CSMD1: variants seen among roughly 807,000 people sequenced by gnomAD.
CSMD1 encodes CUB and Sushi multiple domains 1.
In CSMD1, 213 loss-of-function variants were observed where a neutral mutation model predicts 417.5. The ratio of observed to expected loss-of-function variants is 0.51; its 90% CI spans 0.46 to 0.57. The LOEUF is 0.57. CSMD1 is among the 20% of genes least tolerant of loss of function. CSMD1 has a pLI of 0.00. For synonymous variants in CSMD1, 2,862 were observed against 1,736.8 expected (o/e 1.65, Z -16.11); for missense variants, 6,923 against 4,529.7 (o/e 1.53, Z -15.17).
At chr8:4,116,365 C>G (rs1481791789) in intron 3 of CSMD1, among the ~76,000 whole-genome samples, 4 of 152,182 alleles carry the variant, frequency 2.6e-5, no homozygotes, top group Admixed American at 1.3e-4. Context: ...TCATTATACA[C>G]TTGTCCAAAC....
intron 4 of CSMD1, among the ~76,000 whole-genome samples, chr8:4,015,785 T>C (rs563817000): frequency 1.3e-5 from 2 of 152,276 alleles, no homozygotes; most frequent in Admixed American, 1.3e-4. Context: ...ATGTATGTGT[T>C]CAGACAAAAA....
chr8:4,248,428 C>A (rs1485024241), intron 3 of CSMD1, among the ~76,000 whole-genome samples: 1 of 152,152 alleles, frequency 6.6e-6, no homozygotes, highest in African/African-American at 2.4e-5. Context: ...AGAGCCCGTC[C>A]ACTTGAACAT....
chr8:3,814,178 C>G (rs897334252), intron 5 of CSMD1, among the ~76,000 whole-genome samples: 11 of 152,180 alleles, frequency 7.2e-5, no homozygotes, highest in African/African-American at 2.4e-4. Context: ...AGTCAAGATG[C>G]AAACTGCAAG....
At chr8:4,683,642 G>T (rs921070155) in intron 1 of CSMD1, among the ~76,000 whole-genome samples, 1 of 152,228 alleles carries the variant, frequency 6.6e-6, no homozygotes, top group African/African-American at 2.4e-5. Context: ...TCGCAGAGAA[G>T]GCGGCCCTGG....
At chr8:4,785,599 C>T (rs1341523054) in intron 1 of CSMD1, among the ~76,000 whole-genome samples, 2 of 152,146 alleles carry the variant, frequency 1.3e-5, no homozygotes, top group African/African-American at 2.4e-5. Flanking sequence ...CATCTGACTT[C>T]AGGGGGCTCT....
chr8:3,884,288 T>G (rs1394963229), intron 5 of CSMD1, among the ~76,000 whole-genome samples: 2 of 152,204 alleles, frequency 1.3e-5, no homozygotes, highest in Non-Finnish European at 2.9e-5. Flanking sequence ...CAATGGCCAC[T>G]TGTGTTTGTT....
intron 1 of CSMD1, among the ~76,000 whole-genome samples, chr8:4,841,009 C>T (rs1800808363): frequency 6.6e-6 from 1 of 152,204 alleles, no homozygotes; most frequent in African/African-American, 2.4e-5. Flanking sequence ...TGAGCGTTTG[C>T]CGTCAGCCCC....
intron 1 of CSMD1, among the ~76,000 whole-genome samples, chr8:4,846,931 C>T (rs1053188859): frequency 2.0e-5 from 3 of 151,730 alleles, no homozygotes; most frequent in African/African-American, 4.8e-5. Flanking sequence ...CTAAAACAGG[C>T]TATTCATTGG....
intron 10 of CSMD1, among the ~76,000 whole-genome samples, chr8:3,516,412 G>A (rs980702891): frequency 6.6e-6 from 1 of 152,190 alleles, no homozygotes; most frequent in Non-Finnish European, 1.5e-5. Flanking sequence ...CTGGAATGCA[G>A]ACTAGTTTTC....
chr8:4,892,190 T>A (rs1804166161), intron 1 of CSMD1, among the ~76,000 whole-genome samples: 1 of 152,260 alleles, frequency 6.6e-6, no homozygotes, highest in Non-Finnish European at 1.5e-5. Flanking sequence ...TTGAAACAAC[T>A]TTTCAAGATT....
At chr8:4,221,912 C>A (rs1398342053) in intron 3 of CSMD1, among the ~76,000 whole-genome samples, 11 of 152,104 alleles carry the variant, frequency 7.2e-5, no homozygotes. Flanking sequence ...AGAGAAAATG[C>A]CTAGAGAAGC....
chr8:4,351,926 C>G (rs1031257117), intron 3 of CSMD1, among the ~76,000 whole-genome samples: 7 of 147,284 alleles, frequency 4.8e-5, no homozygotes, highest in African/African-American at 1.8e-4. Flanking sequence ...CACTGACATT[C>G]AAGGTAACAT....
Position 4,735,876 on chromosome 8 carries a change from A to C in CSMD1, c.86-98318T>G, listed in dbSNP as rs552849549. Among the ~76,000 whole-genome samples, 6 of 152,294 alleles carry C rather than the reference A, an allele frequency of 3.9e-5. 1 individual carries two copies. In the East Asian group the frequency reaches 7.7e-4, roughly 20 times the overall value. ...TGATTCCAGGGTCCAAGATTTACAT[A>C]CAACACGCTACTGCTTTACTAGAGA... is the stretch of plus-strand genomic sequence containing the variant. On this transcript the variant is annotated intron_variant, in intron 1 of 69. Coordinates refer to ENST00000635120, the MANE Select transcript of CSMD1 (RefSeq NM_033225.6).
chr8:4,282,642 T>C (rs1257656690), intron 3 of CSMD1, among the ~76,000 whole-genome samples: 1 of 152,180 alleles, frequency 6.6e-6, no homozygotes, highest in Non-Finnish European at 1.5e-5. Context: ...GCATTCACCT[T>C]TTCAGTTTTA....
intron 3 of CSMD1, among the ~76,000 whole-genome samples, chr8:4,169,356 G>C (rs3849830): frequency 0.39 from 59,481 of 151,820 alleles, 11,978 homozygotes; most frequent in East Asian, 0.55. Context: ...GATAAATGGC[G>C]ACTGCGTTTT....
In CSMD1 at chr8:3,407,922, C is replaced by T; in HGVS notation, c.2048G>A (p.Arg683Lys). The T allele has an allele frequency of 1.2e-6, 2 of 1,611,754 alleles. No homozygotes were observed. The highest frequency in any genetic ancestry group is 1.7e-6 in the Non-Finnish European group (2 of 1,178,452). Residue 683 changes from arginine to lysine, a missense_variant, in exon 14 of 70, where the codon AGA becomes AAA. Transcript: ENST00000635120. ...EFQSDHSTTGRGFNITYTTFG... is the reference protein window; with the variant it reads ...EFQSDHSTTGKGFNITYTTFG... The stretch of plus-strand genomic sequence containing the variant: ...ACTGGTGTAAGTGATGTTGAACCCT[C>T]TGCCAGTAGTGGAATGGTCAGACTG...
At chr8:3,643,700 C>CAAAAAAAAAAAAACAAA (rs1797429303) in intron 7 of CSMD1, among the ~76,000 whole-genome samples, 1 of 85,354 alleles carries the variant, frequency 1.2e-5, no homozygotes, top group Non-Finnish European at 2.2e-5. Flanking sequence ...GACTCCGTCT[C>CAAAAAAAAAAAAACAAA]AAAAAAAAAA....
At position 3,799,490 on chromosome 8, in the gene CSMD1, G is replaced by A. The variant is rs992580142; in HGVS notation, c.819-45448C>T. Among the ~76,000 whole-genome samples the A allele has an allele frequency of 1.3e-4, 19 of 144,484 alleles. No homozygotes were observed. The Admixed American group carries it at 1.3e-3, about 10-fold the overall frequency. 94.8% of individuals were successfully genotyped at this position (144,484 alleles called of 152,430 possible). ...CAGTTCCCACCTATAAGTGAGACATGGATTTGAAGAAGTAAAGCATACATG... is the reference window on the plus strand; with the variant it reads ...CAGTTCCCACCTATAAGTGAGACATAGATTTGAAGAAGTAAAGCATACATG... On this transcript the variant is annotated intron_variant, in intron 5 of 69. Coordinates refer to ENST00000635120, the MANE Select transcript of CSMD1 (RefSeq NM_033225.6).
chr8:3,538,178 C>T (rs931079661), intron 10 of CSMD1, among the ~76,000 whole-genome samples: 1 of 151,940 alleles, frequency 6.6e-6, no homozygotes, highest in African/African-American at 2.4e-5. Context: ...CATGACGGAT[C>T]AACTACACCT....
Sources: gnomAD v4.1 joint callset for allele counts (sites outside exome capture counted in the v4.1 genomes callset) on GRCh38, gnomAD v4.1.1 for gene constraint, MANE v1.5 for transcripts, NCBI Gene and HGNC (gene_info 2026-07-23, HGNC 2026-07-21) for gene names.